The following DISC1 variants were observed in gnomAD, a reference collection of about 807,000 sequenced individuals.
DISC1 encodes the protein DISC1 scaffold protein.
A neutral mutation model predicts 84.5 loss-of-function variants in DISC1; 57 were observed. The ratio of observed to expected loss-of-function variants is 0.67; its 90% CI spans 0.55 to 0.84. DISC1 has a LOEUF of 0.84. Ranked by LOEUF, DISC1 falls within the 40% of genes least tolerant of loss-of-function variation. The pLI is 0.00. For synonymous variants in DISC1, 411 were observed against 415.2 expected (o/e 0.99, Z 0.12); for missense variants, 1,000 against 1,057.8 (o/e 0.95, Z 0.76).
At chr1:231,751,746 A>G (rs1422219552) in intron 4 of DISC1, among the ~76,000 whole-genome samples, 1 of 152,152 alleles carries the variant, frequency 6.6e-6, no homozygotes, top group African/African-American at 2.4e-5. Context: ...TGTGACTGAC[A>G]TTTCTCATAG....
chr1:231,684,201 G>A (rs182646405), intron 1 of DISC1, among the ~76,000 whole-genome samples: 1 of 152,042 alleles, frequency 6.6e-6, no homozygotes, highest in Non-Finnish European at 1.5e-5. Flanking sequence ...CTATTCATAG[G>A]AGGAATCATA....
At chr1:231,728,564 A>G (rs1348770505) in intron 3 of DISC1, among the ~76,000 whole-genome samples, 13 of 152,220 alleles carry the variant, frequency 8.5e-5, no homozygotes, top group Non-Finnish European at 1.9e-4. Context: ...GGAGTTATAC[A>G]CTTAACCAGT....
intron 9 of DISC1, among the ~76,000 whole-genome samples, chr1:231,943,107 C>T (rs2091442241): frequency 6.6e-6 from 1 of 152,242 alleles, no homozygotes; most frequent in African/African-American, 2.4e-5. Flanking sequence ...TATATATCTG[C>T]ATATTTTCAG....
intron 10 of DISC1, among the ~76,000 whole-genome samples, chr1:232,001,798 G>A (rs1232921121): frequency 6.6e-6 from 1 of 151,978 alleles, no homozygotes; most frequent in Non-Finnish European, 1.5e-5. Flanking sequence ...AAAAAAAAAG[G>A]AGTCAGTCTT....
intron 4 of DISC1, among the ~76,000 whole-genome samples, chr1:231,763,147 G>C (rs910371069): frequency 6.6e-6 from 1 of 152,184 alleles, no homozygotes; most frequent in East Asian, 1.9e-4. Flanking sequence ...ATGGTGTGTG[G>C]TATCTGGGAA....
intron 9 of DISC1, among the ~76,000 whole-genome samples, chr1:231,900,603 TG>T (rs1320950378): frequency 6.6e-6 from 1 of 152,220 alleles, no homozygotes; most frequent in Non-Finnish European, 1.5e-5. Context: ...CATATTCTTT[TG>T]TTACTTTCTT....
At chr1:231,773,848 T>TA (rs1278835002) in intron 6 of DISC1, among the ~76,000 whole-genome samples, 1 of 152,156 alleles carries the variant, frequency 6.6e-6, no homozygotes, top group Non-Finnish European at 1.5e-5. Flanking sequence ...CCACTGAGAT[T>TA]ACAGAGGTCA....
At chr1:231,662,113 T>G (rs1325283002) in intron 1 of DISC1, among the ~76,000 whole-genome samples, 2 of 152,184 alleles carry the variant, frequency 1.3e-5, no homozygotes, top group African/African-American at 2.4e-5. Context: ...GGCTGCCAGC[T>G]CCTTCCTGTG....
At chr1:231,915,060 C>T (rs983669577) in intron 9 of DISC1, among the ~76,000 whole-genome samples, 1 of 152,164 alleles carries the variant, frequency 6.6e-6, no homozygotes, top group East Asian at 1.9e-4. Flanking sequence ...AAATGTGTTA[C>T]GCTGACCAAC....
intron 9 of DISC1, among the ~76,000 whole-genome samples, chr1:231,853,544 C>T (rs911432132): frequency 1.3e-5 from 2 of 152,230 alleles, no homozygotes; most frequent in Non-Finnish European, 2.9e-5. Context: ...ACCACCATCA[C>T]ATACATGGTC....
intron 9 of DISC1, among the ~76,000 whole-genome samples, chr1:231,828,465 G>A (rs199721690): frequency 4.8e-4 from 73 of 152,246 alleles, no homozygotes; most frequent in Admixed American, 1.4e-3. Flanking sequence ...ACATTCCCCC[G>A]TGGTCTGGAA....
At chr1:231,969,009 C>T (rs16855842) in intron 10 of DISC1, among the ~76,000 whole-genome samples, 2,566 of 152,004 alleles carry the variant, frequency 0.017, 77 homozygotes, top group African/African-American at 0.059. Flanking sequence ...AATTATGGCA[C>T]CATGGAAATT....
At chr1:231,945,605 C>A (rs1263098979) in intron 9 of DISC1, among the ~76,000 whole-genome samples, 1 of 152,076 alleles carries the variant, frequency 6.6e-6, no homozygotes, top group Non-Finnish European at 1.5e-5. Context: ...CAAGAAATAA[C>A]TAAGATGAGA....
intron 1 of DISC1, among the ~76,000 whole-genome samples, chr1:231,658,881 A>T (rs1035196568): frequency 2.2e-4 from 33 of 152,148 alleles, no homozygotes; most frequent in African/African-American, 7.0e-4. Context: ...TCAGTTTGTC[A>T]GTATTTTATT....
At chr1:231,651,961 TGA>T (rs752175320) in intron 1 of DISC1, among the ~76,000 whole-genome samples, 2 of 152,348 alleles carry the variant, frequency 1.3e-5, no homozygotes, top group Non-Finnish European at 2.9e-5. Flanking sequence ...AGTATTTGGG[TGA>T]GAGTGTCCTA....
At position 232,026,507 on chromosome 1, in the gene DISC1, G is replaced by A; in HGVS notation, c.2380G>A (p.Asp794Asn). 6.2e-7 allele frequency: 1 copy of A among 1,608,000 alleles called. No individual in the cohort carries two copies. The highest frequency in any genetic ancestry group is 8.5e-7 in the Non-Finnish European group (1 of 1,177,062). ...DIGKKLLYLE[D>N]QLHTAIHSHD... ...AGGCAAGAAGCTATTGTACTTGGAAGATCAACTTCACACAGCAATCCACAG... is the reference window on the plus strand; with the variant it reads ...AGGCAAGAAGCTATTGTACTTGGAAAATCAACTTCACACAGCAATCCACAG... The change falls in exon 12 of 13, where the codon GAT (aspartate) becomes AAT (asparagine). Residue 794 changes from aspartate (D) to asparagine (N), a missense_variant. Transcript: ENST00000439617.
chr1:231,855,316 T>C, intron 9 of DISC1: 1 of 938,862 alleles, frequency 1.1e-6, no homozygotes, highest in South Asian at 4.9e-5. Flanking sequence ...ATGTTATATA[T>C]ATAATACATA....
chr1:232,002,130 A>C (rs931099738), intron 10 of DISC1, among the ~76,000 whole-genome samples: 2 of 152,202 alleles, frequency 1.3e-5, no homozygotes, highest in African/African-American at 4.8e-5. Context: ...AAAGATAGTC[A>C]ACATCATTAG....
At chr1:231,892,554 G>C (rs2087316581) in intron 9 of DISC1, among the ~76,000 whole-genome samples, 3 of 152,044 alleles carry the variant, frequency 2.0e-5, no homozygotes, top group African/African-American at 7.2e-5. Flanking sequence ...TATTAACTAT[G>C]TTAGAGAGGA....
Sources: allele counts gnomAD v4.1 joint callset (sites outside exome capture counted in the v4.1 genomes callset), GRCh38; gene constraint gnomAD v4.1.1; transcripts MANE v1.5; gene names NCBI Gene and HGNC (gene_info 2026-07-23, HGNC 2026-07-21).